The following KCNT2 variants were observed in gnomAD, a reference collection of about 807,000 sequenced individuals.
KCNT2 encodes the protein potassium channel subfamily T member 2.
A neutral mutation model predicts 153.8 loss-of-function variants in KCNT2; 67 were observed. The observed-to-expected ratio is 0.44, with a 90% CI of 0.36 to 0.53. The LOEUF is 0.53. Among genes scored for constraint, KCNT2 ranks in the 20% least tolerant of loss-of-function variants. KCNT2 has a pLI of 0.00. For missense variants in KCNT2, 975 were observed against 1,354.8 expected (o/e 0.72, Z 4.40); for synonymous variants, 500 against 458.8 (o/e 1.09, Z -1.15).
chr1:196,369,237 T>C (rs1408652067), intron 14 of KCNT2, among the ~76,000 whole-genome samples: 1 of 152,202 alleles, frequency 6.6e-6, no homozygotes, highest in African/African-American at 2.4e-5. Flanking sequence ...CAAACTGGAC[T>C]GATAATCCAG....
intron 26 of KCNT2, among the ~76,000 whole-genome samples, chr1:196,242,010 C>T (rs973345763): frequency 6.6e-6 from 1 of 152,068 alleles, no homozygotes; most frequent in Non-Finnish European, 1.5e-5. Context: ...TTCAATGGTG[C>T]AAAGTCCTGT....
chr1:196,406,526 A>G (rs1033083194), intron 12 of KCNT2, among the ~76,000 whole-genome samples: 2 of 151,010 alleles, frequency 1.3e-5, no homozygotes, highest in Non-Finnish European at 3.0e-5. Context: ...TAGTTAAACT[A>G]TATTACTCAC....
At chr1:196,450,885 C>T (rs1407981409) in intron 8 of KCNT2, among the ~76,000 whole-genome samples, 3 of 151,894 alleles carry the variant, frequency 2.0e-5, no homozygotes, top group Non-Finnish European at 4.4e-5. Flanking sequence ...GCCTAGCACA[C>T]TTTAACTAGA....
chr1:196,592,462 T>C (rs1203625675), intron 1 of KCNT2, among the ~76,000 whole-genome samples: 1 of 148,058 alleles, frequency 6.8e-6, no homozygotes, highest in Non-Finnish European at 1.5e-5. Context: ...TATTTATATA[T>C]TTATATTTAT....
At chr1:196,285,542 G>A in intron 23 of KCNT2, 115 bp downstream of exon 23, 1 of 580,332 alleles carries the variant, frequency 1.7e-6, no homozygotes, top group East Asian at 3.0e-5. Flanking sequence ...AATTACTTTT[G>A]GAGCCAATTT....
chr1:196,491,200 A>T (rs1312147377), intron 2 of KCNT2, among the ~76,000 whole-genome samples: 1 of 151,954 alleles, frequency 6.6e-6, no homozygotes, highest in Non-Finnish European at 1.5e-5. Flanking sequence ...AATAAGGGAA[A>T]CTATTCAGAT....
intron 1 of KCNT2, among the ~76,000 whole-genome samples, chr1:196,499,544 G>A (rs1210433017): frequency 5.9e-5 from 9 of 152,160 alleles, no homozygotes; most frequent in Admixed American, 5.9e-4. Context: ...AAACCATGAG[G>A]ACTCTGAACT....
chr1:196,463,746 T>C (rs1438700004), intron 8 of KCNT2, among the ~76,000 whole-genome samples: 2 of 151,778 alleles, frequency 1.3e-5, no homozygotes, highest in South Asian at 2.1e-4. Flanking sequence ...CAATGCTGCA[T>C]CCTTTCGCAT....
chr1:196,585,346 C>T (rs1662546642), intron 1 of KCNT2, among the ~76,000 whole-genome samples: 1 of 152,092 alleles, frequency 6.6e-6, no homozygotes. Flanking sequence ...ACTTACACAT[C>T]AAGTAACTGG....
chr1:196,603,160 A>G (rs1434626733), intron 1 of KCNT2, among the ~76,000 whole-genome samples: 1 of 152,132 alleles, frequency 6.6e-6, no homozygotes, highest in Non-Finnish European at 1.5e-5. Context: ...TATTTTTCTT[A>G]ATAAAGTCGA....
At chr1:196,568,245 G>T (rs544970808) in intron 1 of KCNT2, among the ~76,000 whole-genome samples, 2 of 152,182 alleles carry the variant, frequency 1.3e-5, no homozygotes, top group South Asian at 4.2e-4. Context: ...TAAGGAGCTC[G>T]CAACCTAGAT....
chr1:196,320,754 T>C (rs1012472571), intron 19 of KCNT2, among the ~76,000 whole-genome samples: 1 of 151,774 alleles, frequency 6.6e-6, no homozygotes, highest in African/African-American at 2.4e-5. Flanking sequence ...TATTTTAATT[T>C]TGATTAAATT....
intron 1 of KCNT2, among the ~76,000 whole-genome samples, chr1:196,543,897 T>G (rs770584170): frequency 6.6e-6 from 1 of 152,170 alleles, no homozygotes; most frequent in Admixed American, 6.6e-5. Context: ...CAGGCATTTA[T>G]GCCACAGAAA....
intron 1 of KCNT2, among the ~76,000 whole-genome samples, chr1:196,516,634 C>G (rs1229538060): frequency 6.6e-6 from 1 of 152,190 alleles, no homozygotes; most frequent in Non-Finnish European, 1.5e-5. Context: ...AAAAAGCAGG[C>G]TGACTGCCTT....
chr1:196,567,565 A>C (rs1660264292), intron 1 of KCNT2, among the ~76,000 whole-genome samples: 1 of 152,198 alleles, frequency 6.6e-6, no homozygotes, highest in Admixed American at 6.5e-5. Context: ...ATTATTCATT[A>C]TCTGGAAGAA....
intron 15 of KCNT2, among the ~76,000 whole-genome samples, chr1:196,341,615 G>T (rs1032400018): frequency 3.4e-5 from 5 of 148,976 alleles, no homozygotes; most frequent in African/African-American, 1.2e-4. Flanking sequence ...AAAAGGAAAA[G>T]AAAAAAAAAG....
At chr1:196,345,008 T>G (rs77529492) in intron 14 of KCNT2, among the ~76,000 whole-genome samples, 2,383 of 152,274 alleles carry the variant, frequency 0.016, 56 homozygotes, top group African/African-American at 0.054. Flanking sequence ...GACATCAATA[T>G]TACATCTAAT....
chr1:196,497,621 T>C (rs1415934797), intron 1 of KCNT2, among the ~76,000 whole-genome samples: 4 of 152,302 alleles, frequency 2.6e-5, no homozygotes, highest in African/African-American at 9.6e-5. Flanking sequence ...TTGTATTTTG[T>C]TGATATTGGG....
intron 1 of KCNT2, among the ~76,000 whole-genome samples, chr1:196,547,044 T>TAA (rs1160421841): frequency 6.6e-6 from 1 of 151,802 alleles, no homozygotes; most frequent in Non-Finnish European, 1.5e-5. Context: ...CAACATAGAG[T>TAA]AACAAAAGAG....
Sources: gnomAD v4.1 joint callset for allele counts (sites outside exome capture counted in the v4.1 genomes callset) on GRCh38, gnomAD v4.1.1 for gene constraint, MANE v1.5 for transcripts, NCBI Gene and HGNC (gene_info 2026-07-23, HGNC 2026-07-21) for gene names.